The following BCAS1 variants were observed in gnomAD, a reference collection of about 807,000 sequenced individuals.
The protein encoded by BCAS1 is brain enriched myelin associated protein 1.
BCAS1 carries 46 observed loss-of-function variants against 65.4 expected under a neutral mutation model. That is an observed-to-expected ratio of 0.70 (90% confidence interval 0.55 to 0.90). The LOEUF is 0.90. BCAS1 is among the 40% of genes least tolerant of loss of function. The pLI is 0.00. For missense variants in BCAS1, 793 were observed against 771.2 expected (o/e 1.03, Z -0.33); for synonymous variants, 298 against 293.5 (o/e 1.02, Z -0.16).
intron 11 of BCAS1, among the ~76,000 whole-genome samples, chr20:53,954,311 G>C (rs1043909786): frequency 2.6e-5 from 4 of 151,334 alleles, no homozygotes; most frequent in Non-Finnish European, 5.9e-5. Flanking sequence ...GAGAGAGAGA[G>C]AGAGAGAGAG....
chr20:54,027,968 T>A (rs2091711538), intron 4 of BCAS1, among the ~76,000 whole-genome samples: 1 of 152,192 alleles, frequency 6.6e-6, no homozygotes, highest in South Asian at 2.1e-4. Flanking sequence ...CTATTAACAG[T>A]AAGGGACGAA....
At chr20:54,047,779 C>A (rs1239568870) in intron 3 of BCAS1, among the ~76,000 whole-genome samples, 1 of 152,196 alleles carries the variant, frequency 6.6e-6, no homozygotes, top group Non-Finnish European at 1.5e-5. Context: ...AAAGTACACT[C>A]CACAGAGTGG....
intron 4 of BCAS1, among the ~76,000 whole-genome samples, chr20:54,005,302 C>CAAAAACAAAACGAAACAAAACAAAACAAA (rs1568867591): frequency 4.5e-5 from 2 of 44,290 alleles, no homozygotes; most frequent in African/African-American, 1.4e-4. Context: ...TGAAACAAAG[C>CAAAAACAAAACGAAACAAAACAAAACAAA]AAAAACAAAA....
chr20:54,069,792 C>G (rs946916358), intron 1 of BCAS1, among the ~76,000 whole-genome samples: 1 of 152,206 alleles, frequency 6.6e-6, no homozygotes, highest in African/African-American at 2.4e-5. Flanking sequence ...CCCAGCCAGC[C>G]CAGGGTGGAG....
At chr20:54,008,710 C>T (rs2091256248) in intron 4 of BCAS1, among the ~76,000 whole-genome samples, 1 of 151,906 alleles carries the variant, frequency 6.6e-6, no homozygotes, top group Non-Finnish European at 1.5e-5. Flanking sequence ...TCATACCATA[C>T]CAAGAACTAA....
intron 6 of BCAS1, among the ~76,000 whole-genome samples, chr20:53,994,480 T>C (rs2090849534): frequency 6.6e-6 from 1 of 152,216 alleles, no homozygotes; most frequent in Non-Finnish European, 1.5e-5. Flanking sequence ...GGGAAACTAT[T>C]CTATTTCACC....
At chr20:53,996,266 T>C (rs1345577011) in intron 4 of BCAS1, among the ~76,000 whole-genome samples, 3 of 152,152 alleles carry the variant, frequency 2.0e-5, no homozygotes, top group African/African-American at 4.8e-5. Flanking sequence ...TGGAGGGACA[T>C]TGTTTGGAGC....
intron 10 of BCAS1, among the ~76,000 whole-genome samples, chr20:53,963,051 C>T (rs986329647): frequency 1.3e-5 from 2 of 151,576 alleles, no homozygotes; most frequent in Non-Finnish European, 3.0e-5. Flanking sequence ...AGGGTTTCAC[C>T]GTGTTAGCCA....
intron 12 of BCAS1, 86 bp downstream of exon 12, chr20:53,953,346 C>A: frequency 6.6e-7 from 1 of 1,522,972 alleles, no homozygotes; most frequent in Non-Finnish European, 8.9e-7. Flanking sequence ...TGAAGAGCCA[C>A]ATGTAGAATT....
chr20:53,949,165 T>C (rs2089431854), intron 12 of BCAS1, among the ~76,000 whole-genome samples: 1 of 151,670 alleles, frequency 6.6e-6, no homozygotes, highest in African/African-American at 2.4e-5. Context: ...AGTTTCACTT[T>C]TATCATATGT....
rs779665944 is a variant in BCAS1, at chr20:53,996,174, C to G, written c.724-124G>C. 5 of 956,464 alleles carry G rather than the reference C, an allele frequency of 5.2e-6. No homozygotes were observed. The South Asian group carries it at 9.8e-5, about 19-fold the overall frequency. 59.2% of individuals were successfully genotyped at this position (956,464 alleles called of 1,614,324 possible). On this transcript the variant is annotated intron_variant, in intron 4 of 12. Transcript: ENST00000688948. The stretch of plus-strand genomic sequence containing the variant: ...CAGCCATACTTCTTCTGCCCACAGG[C>G]GTGCAGAACAATCATGAGATTATAA...
intron 12 of BCAS1, among the ~76,000 whole-genome samples, chr20:53,953,029 G>A (rs1461712353): frequency 1.3e-5 from 2 of 151,344 alleles, no homozygotes; most frequent in African/African-American, 4.8e-5. Flanking sequence ...ATATTACCCA[G>A]AGCATCTGCT....
chr20:54,012,700 G>A (rs931741393), intron 4 of BCAS1, among the ~76,000 whole-genome samples: 2 of 152,210 alleles, frequency 1.3e-5, no homozygotes, highest in African/African-American at 4.8e-5. Context: ...CAGCCTTTAT[G>A]TGTCAGGCCC....
chr20:53,992,684 T>C lies in BCAS1; in HGVS notation c.928-38A>G, dbSNP rs1202543734. On this transcript the variant is annotated intron_variant, in intron 6 of 12. Transcript: ENST00000688948. Reference sequence around the variant, plus strand: ...AGCAGTCACAACCTCAGAACTTTGTTTTTGAACAAAATTCTTTTTGTTTTC... The same window carrying C: ...AGCAGTCACAACCTCAGAACTTTGTCTTTGAACAAAATTCTTTTTGTTTTC... 2.9e-6 allele frequency: 4 copies of C among 1,362,706 alleles called. No homozygotes were observed. In the African/African-American group the frequency reaches 5.9e-5, roughly 20 times the overall value. The allele number at this position is 1,362,706 out of a possible 1,614,324, so 84.4% of individuals were successfully genotyped here.
At chr20:54,046,324 T>G (rs2092104568) in intron 3 of BCAS1, among the ~76,000 whole-genome samples, 1 of 150,060 alleles carries the variant, frequency 6.7e-6, no homozygotes, top group African/African-American at 2.5e-5. Context: ...GGTCAGGAGT[T>G]TGAGACCAGC....
At chr20:54,007,310 G>A (rs2091220333) in intron 4 of BCAS1, among the ~76,000 whole-genome samples, 2 of 151,878 alleles carry the variant, frequency 1.3e-5, no homozygotes, top group Non-Finnish European at 2.9e-5. Context: ...ATACAGTGAT[G>A]TCAGCTGAAG....
intron 10 of BCAS1, among the ~76,000 whole-genome samples, chr20:53,963,002 C>T (rs2089926147): frequency 6.6e-6 from 1 of 151,982 alleles, no homozygotes; most frequent in African/African-American, 2.4e-5. Flanking sequence ...AGGCGCCCGC[C>T]ACCATGCCCG....
chr20:53,949,545 C>A (rs921355511), intron 12 of BCAS1, among the ~76,000 whole-genome samples: 1 of 152,194 alleles, frequency 6.6e-6, no homozygotes, highest in African/African-American at 2.4e-5. Context: ...GCCAGCATTC[C>A]CCTCCCAGGA....
chr20:54,034,999 A>G (rs527553366), intron 3 of BCAS1, among the ~76,000 whole-genome samples: 8 of 151,468 alleles, frequency 5.3e-5, no homozygotes, highest in Admixed American at 2.6e-4. Flanking sequence ...CAACTATCTA[A>G]TCTTTGACAA....
Sources: allele counts gnomAD v4.1 joint callset (sites outside exome capture counted in the v4.1 genomes callset), GRCh38; gene constraint gnomAD v4.1.1; transcripts MANE v1.5; gene names NCBI Gene and HGNC (gene_info 2026-07-23, HGNC 2026-07-21).